The following MAN2A1 variants were observed in gnomAD, a reference collection of about 807,000 sequenced individuals.
MAN2A1 encodes the protein mannosidase alpha class 2A member 1.
Under a neutral mutation model 142.6 loss-of-function variants are expected in MAN2A1, and 76 were observed. The observed-to-expected ratio is 0.53, with a 90% CI of 0.44 to 0.65. The LOEUF (loss-of-function observed/expected upper bound fraction) is 0.65, where lower values mean the gene tolerates loss of function less well. Ranked by LOEUF, MAN2A1 falls within the 30% of genes least tolerant of loss-of-function variation. MAN2A1 has a pLI of 0.00. For synonymous variants in MAN2A1, 559 were observed against 473.2 expected (o/e 1.18, Z -2.35); for missense variants, 1,311 against 1,365.1 (o/e 0.96, Z 0.62).
intron 16 of MAN2A1, among the ~76,000 whole-genome samples, chr5:109,837,413 C>T (rs1284963766): frequency 6.6e-6 from 1 of 152,052 alleles, no homozygotes; most frequent in Non-Finnish European, 1.5e-5. Flanking sequence ...GAGGTCTTCT[C>T]TCTACTCGCT....
chr5:109,746,935 A>G (rs954487011), intron 4 of MAN2A1, among the ~76,000 whole-genome samples: 1 of 152,192 alleles, frequency 6.6e-6, no homozygotes, highest in Admixed American at 6.5e-5. Flanking sequence ...TGTAGCATGT[A>G]TCAGAATTTC....
intron 13 of MAN2A1, 81 bp downstream of exon 13, chr5:109,817,519 C>A: frequency 1.5e-6 from 2 of 1,325,472 alleles, no homozygotes; most frequent in Non-Finnish European, 2.1e-6. Flanking sequence ...ACAGTAGCCC[C>A]CATTTAGCCA....
At chr5:109,733,354 T>A (rs1341517821) in intron 4 of MAN2A1, among the ~76,000 whole-genome samples, 1 of 152,206 alleles carries the variant, frequency 6.6e-6, no homozygotes, top group Non-Finnish European at 1.5e-5. Context: ...TGCCCTTTAT[T>A]TCCTTCTCCT....
rs190700009 is a variant in MAN2A1 at position 109,811,009 on chromosome 5, T to G, written c.1944-6264T>G. Reference sequence around the variant, plus strand: ...TTTTACTATTTTTTTTTTTTTTAGTTTTTGTTCTTTAATCTCATTTTTAAG... The same window carrying G: ...TTTTACTATTTTTTTTTTTTTTAGTGTTTGTTCTTTAATCTCATTTTTAAG... On this transcript the variant is annotated intron_variant, in intron 12 of 21. Coordinates refer to ENST00000261483, the MANE Select transcript of MAN2A1 (RefSeq NM_002372.4). Among the ~76,000 whole-genome samples, 62 of 152,138 alleles carry G rather than the reference T, an allele frequency of 4.1e-4. 1 individual carries two copies. The highest frequency in any genetic ancestry group is 6.8e-3 in the Middle Eastern group (2 of 294).
chr5:109,789,066 T>C lies in MAN2A1; in HGVS notation c.1875+18T>C, dbSNP rs375645200. 14 of 1,257,232 alleles carry C rather than the reference T, an allele frequency of 1.1e-5. No individual in the cohort carries two copies. The African/African-American group carries it at 2.1e-4, about 19-fold the overall frequency. 77.9% of individuals were successfully genotyped at this position (1,257,232 alleles called of 1,614,324 possible). A position where few individuals can be genotyped will look rare whatever the true frequency, so the allele number is the denominator to read the frequency against. On this transcript the variant is annotated intron_variant, in intron 11 of 21. Coordinates refer to ENST00000261483, the MANE Select transcript of MAN2A1 (RefSeq NM_002372.4). ...TGGAGATGGTTAGTAATTTCATCTA[T>C]GGTCATCATAAAAATGTGTAATTCC...
At chr5:109,773,639 T>G (rs1753208970) in intron 7 of MAN2A1, among the ~76,000 whole-genome samples, 1 of 152,184 alleles carries the variant, frequency 6.6e-6, no homozygotes, top group Non-Finnish European at 1.5e-5. Flanking sequence ...ACGCTGTGGT[T>G]ATATTTTACT....
At chr5:109,788,524 TGAGC>T (rs1234983431) in intron 10 of MAN2A1, among the ~76,000 whole-genome samples, 1 of 151,940 alleles carries the variant, frequency 6.6e-6, no homozygotes, top group African/African-American at 2.4e-5. Context: ...AATTTTCTTG[TGAGC>T]TGAATTATCT....
chr5:109,726,652 T>G (rs1038372342), intron 3 of MAN2A1, among the ~76,000 whole-genome samples: 1 of 152,200 alleles, frequency 6.6e-6, no homozygotes, highest in African/African-American at 2.4e-5. Flanking sequence ...AAACTCTTTT[T>G]TGAAATGGCC....
intron 1 of MAN2A1, among the ~76,000 whole-genome samples, chr5:109,690,822 G>A (rs1750648590): frequency 6.6e-6 from 1 of 152,128 alleles, no homozygotes; most frequent in Non-Finnish European, 1.5e-5. Context: ...ATTCGCACCC[G>A]GCCTGTTGGG....
intron 5 of MAN2A1, among the ~76,000 whole-genome samples, chr5:109,757,877 A>T (rs1752730577): frequency 6.6e-6 from 1 of 152,152 alleles, no homozygotes. Flanking sequence ...TCAGTGCTTC[A>T]TTCCTTTTTA....
rs1754493397 is a variant in MAN2A1, at chr5:109,817,361, G to C, written c.2032G>C (p.Ala678Pro). Residue 678 changes from alanine (A) to proline (P), a missense_variant, in exon 13 of 22, where the codon GCT (alanine) becomes CCT (proline). Coordinates refer to ENST00000261483, the MANE Select transcript of MAN2A1 (RefSeq NM_002372.4). ...TTCCCCGACAGTGCAAGTGTTCTCT[G>C]CTTCAGGAAAACCTGTGGAAGTTCA... The part of the protein sequence containing the change: ...VSSPTVQVFS[A>P]SGKPVEVQVS... 6.2e-7 allele frequency: 1 copy of C among 1,614,116 alleles called. No individual in the cohort carries two copies. Among genetic ancestry groups the C allele is most frequent in the East Asian group, 2.2e-5 (1 of 44,880 alleles).
intron 19 of MAN2A1, chr5:109,854,215 C>T (rs1755551284): frequency 6.6e-6 from 1 of 152,036 alleles, no homozygotes; most frequent in Non-Finnish European, 1.5e-5. Context: ...ATCAAAGGAC[C>T]TTTCTGCATA....
rs1460810108 is a variant in MAN2A1, at chr5:109,807,766, A to G, written c.1944-9507A>G. ...GGTAGCATTCATAGGTTATGGAATT[A>G]GGACATGGACATCTTGGGGTCATTA... On this transcript the variant is annotated intron_variant, in intron 12 of 21. Coordinates refer to ENST00000261483, the MANE Select transcript of MAN2A1 (RefSeq NM_002372.4). 2.6e-5 allele frequency among the ~76,000 whole-genome samples: 4 copies of G among 152,166 alleles called. No individual in the cohort carries two copies. In the East Asian group the frequency reaches 7.7e-4, roughly 29 times the overall value.
At chr5:109,755,655 A>T (rs970324556) in intron 5 of MAN2A1, among the ~76,000 whole-genome samples, 199 bp downstream of exon 5, 1 of 152,168 alleles carries the variant, frequency 6.6e-6, no homozygotes, top group African/African-American at 2.4e-5. Context: ...TTTTAGGATC[A>T]TCTACCTTGT....
intron 12 of MAN2A1, among the ~76,000 whole-genome samples, chr5:109,814,680 A>G (rs1366751495): frequency 6.6e-6 from 1 of 152,246 alleles, no homozygotes; most frequent in African/African-American, 2.4e-5. Context: ...AGCTACTAAA[A>G]TGAAACAAAA....
At chr5:109,815,311 C>G (rs528649358) in intron 12 of MAN2A1, among the ~76,000 whole-genome samples, 9 of 152,248 alleles carry the variant, frequency 5.9e-5, no homozygotes, top group Non-Finnish European at 1.0e-4. Flanking sequence ...GTATACCTCT[C>G]AAGAGGGCAT....
intron 17 of MAN2A1, among the ~76,000 whole-genome samples, chr5:109,843,553 T>G (rs1434752155): frequency 1.3e-5 from 2 of 152,188 alleles, no homozygotes; most frequent in African/African-American, 4.8e-5. Context: ...TAATGGGCCC[T>G]TGTAAATTTC....
At chr5:109,794,646 T>G (rs574959280) in intron 12 of MAN2A1, among the ~76,000 whole-genome samples, 1 of 152,224 alleles carries the variant, frequency 6.6e-6, no homozygotes, top group South Asian at 2.1e-4. Flanking sequence ...GTGAGGGAAT[T>G]AGTAACTGAT....
intron 12 of MAN2A1, among the ~76,000 whole-genome samples, chr5:109,802,602 G>A (rs1200221288): frequency 1.3e-5 from 2 of 152,086 alleles, no homozygotes; most frequent in Middle Eastern, 3.2e-3. Flanking sequence ...CCATACTTGG[G>A]TGCCTCAGCT....
Sources: gnomAD v4.1 joint callset for allele counts (sites outside exome capture counted in the v4.1 genomes callset) on GRCh38, gnomAD v4.1.1 for gene constraint, MANE v1.5 for transcripts, NCBI Gene and HGNC (gene_info 2026-07-23, HGNC 2026-07-21) for gene names.